Variants in RREB1 observed in about 807,000 individuals in gnomAD.
RREB1 encodes ras responsive element binding protein 1.
A neutral mutation model predicts 117.8 loss-of-function variants in RREB1; 27 were observed. That is an observed-to-expected ratio of 0.23 (90% confidence interval 0.17 to 0.32). The LOEUF is 0.32. RREB1 is among the 10% of genes least tolerant of loss of function. RREB1 has a pLI of 1.00. For missense variants in RREB1, 2,577 were observed against 2,378.2 expected (o/e 1.08, Z -1.74); for synonymous variants, 1,298 against 1,026.7 (o/e 1.26, Z -5.05).
At chr6:7,131,175 G>A (rs1473755909) in intron 1 of RREB1, among the ~76,000 whole-genome samples, 8 of 145,936 alleles carry the variant, frequency 5.5e-5, no homozygotes, top group South Asian at 2.2e-4. Context: ...ATCCATCCAC[G>A]TCGGCCTCCC....
intron 6 of RREB1, among the ~76,000 whole-genome samples, chr6:7,200,244 A>ATGTGTGTGTGTG (rs70978945): frequency 0.012 from 1,493 of 129,348 alleles, 25 homozygotes; most frequent in South Asian, 0.046. Context: ...ATGTGTGTAT[A>ATGTGTGTGTGTG]TGTGTGTGTG....
At chr6:7,118,266 G>T (rs991038978) in intron 1 of RREB1, among the ~76,000 whole-genome samples, 1 of 152,028 alleles carries the variant, frequency 6.6e-6, no homozygotes, top group Non-Finnish European at 1.5e-5. Context: ...GATTACAGGC[G>T]CATGCCACCA....
Position 7,230,740 on chromosome 6 carries a change from C to T in RREB1, c.2641C>T (p.His881Tyr), listed in dbSNP as rs201935669. The change falls in exon 10 of 13, where the codon CAT becomes TAT. Residue 881 changes from histidine to tyrosine, a missense_variant. His to Tyr is a moderately conservative substitution (Grantham distance 83). Coordinates refer to ENST00000379938, the MANE Select transcript of RREB1 (RefSeq NM_001003699.4). ...GGGCCCCACCCAGCCTCCACCTCCC[C>T]ATGTCTCGATCAAGTTGGAGCCCGC... ...HRGPTQPPPP[H>Y]VSIKLEPASS... 7 of 1,607,242 alleles carry T rather than the reference C, an allele frequency of 4.4e-6. No homozygotes were observed. The highest frequency in any genetic ancestry group is 1.3e-5 in the African/African-American group (1 of 74,908).
intron 1 of RREB1, among the ~76,000 whole-genome samples, chr6:7,151,448 C>A (rs1763118544): frequency 6.6e-6 from 1 of 152,126 alleles, no homozygotes; most frequent in Non-Finnish European, 1.5e-5. Context: ...AGCAGCAGGC[C>A]CTGGCAACCT....
In RREB1 at chr6:7,246,753, G is replaced by T; in HGVS notation, c.4303G>T (p.Glu1435Ter). 2 of 1,568,462 alleles carry T rather than the reference G, an allele frequency of 1.3e-6. No individual in the cohort carries two copies. The highest frequency in any genetic ancestry group is 2.4e-5 in the East Asian group (1 of 42,128). The change falls in exon 12 of 13, where the codon GAG (glutamate) becomes TAG (stop). Residue 1435 changes from glutamate (E) to a stop codon, truncating the protein, a stop_gained. Transcript: ENST00000379938. LOFTEE classifies it high-confidence loss of function. ...CTTCAAGCTGGCGGAGGGCGACGGCGAGGCAGGCGCCGGGGGCGCGGCCTC... is the reference window on the plus strand; with the variant it reads ...CTTCAAGCTGGCGGAGGGCGACGGCTAGGCAGGCGCCGGGGGCGCGGCCTC... Reference protein sequence around the residue: ...MDFKLAEGDGEAGAGGAASQE... With the variant: ...MDFKLAEGDG
intron 6 of RREB1, among the ~76,000 whole-genome samples, chr6:7,193,164 T>C (rs1765498157): frequency 6.6e-6 from 1 of 152,264 alleles, no homozygotes; most frequent in Non-Finnish European, 1.5e-5. Flanking sequence ...TGTTACTGAT[T>C]TCTAGTTTCG....
chr6:7,171,494 C>CA (rs1764206049), intron 1 of RREB1, among the ~76,000 whole-genome samples: 1 of 152,232 alleles, frequency 6.6e-6, no homozygotes, highest in African/African-American at 2.4e-5. Context: ...AGAAATTTAA[C>CA]AGAGTTCAGC....
At chr6:7,216,958 C>T (rs1032982448) in intron 8 of RREB1, 1 of 152,384 alleles carries the variant, frequency 6.6e-6, no homozygotes, top group Non-Finnish European at 1.5e-5. Context: ...CCCTCAGACT[C>T]TGCCCAGTGC....
At chr6:7,221,262 G>A (rs1233422560) in intron 8 of RREB1, among the ~76,000 whole-genome samples, 3 of 151,810 alleles carry the variant, frequency 2.0e-5, no homozygotes, top group African/African-American at 4.8e-5. Flanking sequence ...TCCGCTTCCC[G>A]GGTTCACGCC....
In RREB1 at chr6:7,230,368, C is replaced by A. The variant is rs757529166; in HGVS notation, c.2269C>A (p.Leu757Met). ...AFCAPDTVCR[L>M]CGEDLKHYRA... ...CTGCGCCCCGGACACCGTGTGCCGG[C>A]TGTGCGGCGAGGACCTCAAGCACTA... The change falls in exon 10 of 13, where the codon CTG becomes ATG. Residue 757 changes from leucine to methionine, a missense_variant. By Grantham distance (15) the Leu-to-Met change is conservative. Transcript: ENST00000379938. The A allele has an allele frequency of 1.3e-6, 2 of 1,592,070 alleles. No individual in the cohort carries two copies. Among genetic ancestry groups the A allele is most frequent in the Non-Finnish European group, 1.7e-6 (2 of 1,174,042 alleles).
rs185013448 is a variant in RREB1, at chr6:7,117,698, C to T, written c.-285+9638C>T. ...TGCTGGGATTACAGGCATGAGCCACCGCGCCCCACCAGATTTCCTTTTTAA... is the reference window on the plus strand; with the variant it reads ...TGCTGGGATTACAGGCATGAGCCACTGCGCCCCACCAGATTTCCTTTTTAA... On this transcript the variant is annotated intron_variant, in intron 1 of 12. Transcript: ENST00000379938. Among the ~76,000 whole-genome samples, 18 of 151,986 alleles carry T rather than the reference C, an allele frequency of 1.2e-4. No homozygotes were observed. In the East Asian group the frequency reaches 1.5e-3, roughly 13 times the overall value.
intron 1 of RREB1, among the ~76,000 whole-genome samples, chr6:7,164,212 T>A (rs890834195): frequency 6.6e-6 from 1 of 152,216 alleles, no homozygotes; most frequent in Non-Finnish European, 1.5e-5. Flanking sequence ...GTGGACTCAT[T>A]CTGTAAGCTG....
At chr6:7,172,204 C>T (rs1281605534) in intron 1 of RREB1, among the ~76,000 whole-genome samples, 1 of 151,978 alleles carries the variant, frequency 6.6e-6, no homozygotes, top group African/African-American at 2.4e-5. Flanking sequence ...CTTGGCCTCC[C>T]AAAGTGGTGG....
chr6:7,127,579 A>G (rs1288732645), intron 1 of RREB1, among the ~76,000 whole-genome samples: 2 of 152,190 alleles, frequency 1.3e-5, no homozygotes. Context: ...TCTCAAAAAT[A>G]TTGAGGATGG....
intron 7 of RREB1, among the ~76,000 whole-genome samples, chr6:7,211,251 T>C (rs951087397): frequency 5.9e-5 from 9 of 151,870 alleles, no homozygotes; most frequent in African/African-American, 2.2e-4. Context: ...TTGTCCTCAC[T>C]TTTTTATTAC....
At chr6:7,113,443 A>G (rs1269044400) in intron 1 of RREB1, among the ~76,000 whole-genome samples, 2 of 152,176 alleles carry the variant, frequency 1.3e-5, no homozygotes, top group African/African-American at 4.8e-5. Context: ...TCATTCAGAT[A>G]TACCTTCTAG....
chr6:7,230,383 C>G lies in RREB1; in HGVS notation c.2284C>G (p.Leu762Val). The G allele has an allele frequency of 1.9e-6, 3 of 1,592,884 alleles. No individual in the cohort carries two copies. The South Asian group carries it at 3.3e-5, about 18-fold the overall frequency. The stretch of plus-strand genomic sequence containing the variant: ...CGTGTGCCGGCTGTGCGGCGAGGAC[C>G]TCAAGCACTATCGTGCCCTGCGCAT... ...DTVCRLCGED[L>V]KHYRALRIHM... The change falls in exon 10 of 13, where the codon CTC (leucine) becomes GTC (valine). Residue 762 changes from leucine to valine, a missense_variant. Coordinates refer to ENST00000379938, the MANE Select transcript of RREB1 (RefSeq NM_001003699.4).
intron 3 of RREB1, 192 bp from the exon 4 acceptor site, chr6:7,181,678 C>G (rs1000213005): frequency 3.2e-6 from 2 of 616,366 alleles, no homozygotes; most frequent in African/African-American, 3.7e-5. Context: ...TTACTTCGTC[C>G]TTGGTATGCC....
intron 8 of RREB1, among the ~76,000 whole-genome samples, chr6:7,225,455 A>G (rs1358414456): frequency 1.3e-5 from 2 of 152,140 alleles, no homozygotes; most frequent in African/African-American, 2.4e-5. Flanking sequence ...TACCATAACG[A>G]TGGTATTTTG....
Sources: gnomAD v4.1 joint callset for allele counts (sites outside exome capture counted in the v4.1 genomes callset) on GRCh38, gnomAD v4.1.1 for gene constraint, MANE v1.5 for transcripts, NCBI Gene and HGNC (gene_info 2026-07-23, HGNC 2026-07-21) for gene names.